POU2F1: variants seen among roughly 807,000 people sequenced by gnomAD.
POU2F1 encodes the protein POU class 2 homeobox 1.
A neutral mutation model predicts 84.9 loss-of-function variants in POU2F1; 16 were observed. The observed-to-expected ratio is 0.19, with a 90% CI of 0.13 to 0.29. POU2F1 has a LOEUF of 0.29. POU2F1 is among the 10% of genes least tolerant of loss of function. The probability of loss-of-function intolerance (pLI) is 1.00; values close to 1 mark genes in which losing one functional copy is unlikely to be tolerated. For missense variants in POU2F1, 738 were observed against 942.6 expected (o/e 0.78, Z 2.84); for synonymous variants, 368 against 368.3 (o/e 1.00, Z 0.01).
At position 167,417,805 on chromosome 1, in the gene POU2F1, G is replaced by A. The variant is rs1473633723; in HGVS notation, c.*1995G>A. The A allele has an allele frequency of 2.6e-5, 4 of 152,206 alleles. No homozygotes were observed. The East Asian group carries it at 7.7e-4, about 29-fold the overall frequency. The allele number at this position is 152,206 out of a possible 1,614,324, so 9.4% of individuals were successfully genotyped here. ...ATTGTCCAGTAAGGCAGTAAATACAGACACAATGTGTACTTTTGTGTGTGA... is the reference window on the plus strand; with the variant it reads ...ATTGTCCAGTAAGGCAGTAAATACAAACACAATGTGTACTTTTGTGTGTGA... On this transcript the variant is annotated 3_prime_UTR_variant, in exon 16 of 16. Coordinates refer to ENST00000367866, the MANE Select transcript of POU2F1 (RefSeq NM_002697.4).
At chr1:167,297,703 G>A (rs1216990988) in intron 1 of POU2F1, among the ~76,000 whole-genome samples, 3 of 152,188 alleles carry the variant, frequency 2.0e-5, no homozygotes, top group Admixed American at 2.0e-4. Context: ...ATGGCAACCA[G>A]CATGTACTAC....
At chr1:167,404,613 T>C (rs751091061) in intron 13 of POU2F1, among the ~76,000 whole-genome samples, 5 of 152,210 alleles carry the variant, frequency 3.3e-5, no homozygotes, top group Non-Finnish European at 7.4e-5. Context: ...TTGAGAGGTC[T>C]GGTAGAAGGA....
chr1:167,343,720 CTTGTATT>C (rs1482807174), intron 2 of POU2F1, among the ~76,000 whole-genome samples: 10 of 111,714 alleles, frequency 9.0e-5, no homozygotes, highest in African/African-American at 3.4e-4. Context: ...AAAATGAATA[CTTGTATT>C]TGCCTCGGGG....
chr1:167,253,494 T>G (rs1167193366), intron 1 of POU2F1, among the ~76,000 whole-genome samples: 2 of 151,864 alleles, frequency 1.3e-5, no homozygotes. Context: ...GGTGCTATCT[T>G]GGCTCACTGC....
chr1:167,264,378 G>T (rs1271719709), intron 1 of POU2F1, among the ~76,000 whole-genome samples: 3 of 152,144 alleles, frequency 2.0e-5, no homozygotes, highest in Non-Finnish European at 4.4e-5. Flanking sequence ...GGAATTTGGG[G>T]TATTAGATGA....
intron 1 of POU2F1, among the ~76,000 whole-genome samples, chr1:167,254,244 A>G (rs1016313853): frequency 1.3e-5 from 2 of 152,238 alleles, no homozygotes; most frequent in Non-Finnish European, 2.9e-5. Flanking sequence ...TTATGATGGA[A>G]TACATATAAA....
chr1:167,263,475 C>T (rs1651718912), intron 1 of POU2F1, among the ~76,000 whole-genome samples: 1 of 151,806 alleles, frequency 6.6e-6, no homozygotes, highest in Non-Finnish European at 1.5e-5. Context: ...CAAGATCGGG[C>T]CATTGCACTC....
Position 167,398,013 on chromosome 1 carries a change from G to A in POU2F1, c.1149G>A (p.Ser383=), listed in dbSNP as rs775865847. 1.6e-4 allele frequency: 255 copies of A among 1,613,098 alleles called. No homozygotes were observed. The highest frequency in any genetic ancestry group is 9.2e-5 in the Non-Finnish European group (108 of 1,179,570). The part of the protein sequence containing the change: ...LNDAENLSSD[S]SLSSPSALNS... The stretch of plus-strand genomic sequence containing the variant: ...TTACAGAGAACCTCTCATCTGATTC[G>A]TCCCTCTCCAGCCCAAGTGCCCTGA... The change falls in exon 11 of 16, where the codon TCG becomes TCA. Residue 383 remains serine, a synonymous_variant. Transcript: ENST00000367866.
At chr1:167,348,650 A>G (rs1380193520) in intron 2 of POU2F1, among the ~76,000 whole-genome samples, 8 of 152,128 alleles carry the variant, frequency 5.3e-5, no homozygotes, top group Non-Finnish European at 1.0e-4. Context: ...CCTCTATCTT[A>G]TAGTCAAAAT....
intron 1 of POU2F1, among the ~76,000 whole-genome samples, chr1:167,301,116 A>G (rs1344627094): frequency 6.6e-6 from 1 of 152,174 alleles, no homozygotes; most frequent in Non-Finnish European, 1.5e-5. Context: ...CTGTCATATT[A>G]AATTTATTTA....
In POU2F1 at chr1:167,427,104, T is replaced by C. The variant is rs1651003528; in HGVS notation, c.*11294T>C. The C allele has an allele frequency of 6.6e-6, 1 of 152,178 alleles. No individual in the cohort carries two copies. The highest frequency in any genetic ancestry group is 6.5e-5 in the Admixed American group (1 of 15,282). The allele number at this position is 152,178 out of a possible 1,614,324, so 9.4% of individuals were successfully genotyped here. A position where few individuals can be genotyped will look rare whatever the true frequency, so the allele number is the denominator to read the frequency against. ...AAGCCTGAGGAGGTGGCGGGGAATA[T>C]GAGCGGTGCTGTCTCTCTCAAAAGT... On this transcript the variant is annotated 3_prime_UTR_variant, in exon 16 of 16. Coordinates refer to ENST00000367866, the MANE Select transcript of POU2F1 (RefSeq NM_002697.4).
At chr1:167,378,926 C>T (rs1410123705) in intron 7 of POU2F1, among the ~76,000 whole-genome samples, 2 of 138,420 alleles carry the variant, frequency 1.4e-5, no homozygotes, top group East Asian at 2.1e-4. Context: ...CTAATTTTGA[C>T]TTTTTTTTTT....
chr1:167,252,107 C>A (rs560209580), intron 1 of POU2F1, among the ~76,000 whole-genome samples: 57 of 152,130 alleles, frequency 3.7e-4, no homozygotes, highest in African/African-American at 1.3e-3. Context: ...AGTAATCCAC[C>A]TGCCTCGGCC....
At chr1:167,337,904 C>A (rs538018837) in intron 2 of POU2F1, 1 of 344,718 alleles carries the variant, frequency 2.9e-6, no homozygotes, top group African/African-American at 2.2e-5. Flanking sequence ...CAGATGCAAT[C>A]GGGTTTATGA....
rs1553198381 is a variant in POU2F1 at position 167,253,387 on chromosome 1, C to CCCT, written c.61+32431_61+32432insTCC. 3.1e-3 allele frequency among the ~76,000 whole-genome samples: 387 copies of CCCT among 124,274 alleles called. 12 individuals are homozygous for CCCT. Among genetic ancestry groups the CCCT allele is most frequent in the African/African-American group, 0.011 (364 of 32,882 alleles). The allele number at this position is 124,274 out of a possible 152,430, so 81.5% of individuals were successfully genotyped here. On this transcript the variant is annotated intron_variant, in intron 1 of 15. Transcript: ENST00000367866. ...TTCTTTATTTTTCTGCCCCCCCCCC[C>CCCT]CCAAACACACAGGAGAGTGGAACTT...
At chr1:167,300,665 A>G (rs1019470365) in intron 1 of POU2F1, among the ~76,000 whole-genome samples, 2 of 152,086 alleles carry the variant, frequency 1.3e-5, no homozygotes, top group African/African-American at 2.4e-5. Context: ...AGTTTTCACC[A>G]CGTTGGCCAG....
At chr1:167,411,080 G>A (rs551585838) in intron 13 of POU2F1, among the ~76,000 whole-genome samples, 24 of 145,568 alleles carry the variant, frequency 1.6e-4, no homozygotes, top group Non-Finnish European at 2.4e-4. Context: ...TTGCTCTGTC[G>A]CCAGGCTGGA....
intron 4 of POU2F1, among the ~76,000 whole-genome samples, chr1:167,370,727 G>A (rs1193943679): frequency 2.6e-5 from 4 of 152,172 alleles, no homozygotes; most frequent in Non-Finnish European, 4.4e-5. Context: ...GTACTTAAGT[G>A]GGGACATTTA....
chr1:167,221,025 C>G (rs1181422944), intron 1 of POU2F1, 67 bp downstream of exon 1: 5 of 1,331,872 alleles, frequency 3.8e-6, no homozygotes, highest in South Asian at 1.3e-5. Flanking sequence ...CCCCCCCCCG[C>G]GACTTAGCAT....
Sources: gnomAD v4.1 joint callset for allele counts (sites outside exome capture counted in the v4.1 genomes callset) on GRCh38, gnomAD v4.1.1 for gene constraint, MANE v1.5 for transcripts, NCBI Gene and HGNC (gene_info 2026-07-23, HGNC 2026-07-21) for gene names.